PACRG: variants seen among roughly 807,000 people sequenced by gnomAD.
PACRG encodes the protein parkin coregulated.
A neutral mutation model predicts 29.7 loss-of-function variants in PACRG; 29 were observed. The ratio of observed to expected loss-of-function variants is 0.98; its 90% CI spans 0.73 to 1.33. The LOEUF (loss-of-function observed/expected upper bound fraction) is 1.33. PACRG is among the 40% of genes most tolerant of loss of function. PACRG has a pLI of 0.00. For synonymous variants in PACRG, 116 were observed against 118.7 expected (o/e 0.98, Z 0.15); for missense variants, 279 against 316.2 (o/e 0.88, Z 0.89).
At chr6:163,273,967 T>G (rs1783936149) in intron 4 of PACRG, among the ~76,000 whole-genome samples, 1 of 152,222 alleles carries the variant, frequency 6.6e-6, no homozygotes, top group South Asian at 2.1e-4. Context: ...TCTGAGCATT[T>G]TAGTGGCATA....
intron 1 of PACRG, among the ~76,000 whole-genome samples, chr6:162,747,697 C>T (rs1386518371): frequency 6.6e-6 from 1 of 151,350 alleles, no homozygotes; most frequent in African/African-American, 2.4e-5. Context: ...CAGGATAGGA[C>T]TTAAGCTGAC....
chr6:162,865,317 T>G (rs1792204980), intron 2 of PACRG, among the ~76,000 whole-genome samples: 1 of 152,152 alleles, frequency 6.6e-6, no homozygotes, highest in Non-Finnish European at 1.5e-5. Context: ...ATGAGTATGT[T>G]GAGAAAATGA....
chr6:162,760,765 G>A (rs12528213), intron 1 of PACRG, among the ~76,000 whole-genome samples: 3,758 of 152,212 alleles, frequency 0.025, 72 homozygotes, highest in Middle Eastern at 0.058. Context: ...GGGACGGGCC[G>A]TTGAAGGATT....
At chr6:163,274,004 T>G (rs1783937986) in intron 4 of PACRG, among the ~76,000 whole-genome samples, 2 of 152,196 alleles carry the variant, frequency 1.3e-5, no homozygotes, top group Non-Finnish European at 2.9e-5. Flanking sequence ...GCAGTATCTT[T>G]ATTATGTTGT....
intron 4 of PACRG, among the ~76,000 whole-genome samples, chr6:163,198,970 A>T (rs1250394065): frequency 1.3e-5 from 2 of 152,152 alleles, no homozygotes; most frequent in Non-Finnish European, 2.9e-5. Flanking sequence ...GCCACAGGAG[A>T]TGAAATGAAA....
chr6:163,168,698 A>G (rs926658939), intron 4 of PACRG, among the ~76,000 whole-genome samples: 5 of 152,216 alleles, frequency 3.3e-5, no homozygotes, highest in African/African-American at 1.2e-4. Flanking sequence ...CAAACGAAAG[A>G]CCACCTTTAC....
chr6:162,939,676 CGTGTGTGTGTGTGTGTGT>C, intron 2 of PACRG, among the ~76,000 whole-genome samples: 1 of 149,438 alleles, frequency 6.7e-6, no homozygotes, highest in Non-Finnish European at 1.5e-5. Flanking sequence ...CTGTATTTGA[CGTGTGTGTGTGTGTGTGT>C]GTGTGTGTCA....
intron 2 of PACRG, among the ~76,000 whole-genome samples, chr6:162,924,306 C>A (rs535648508): frequency 6.6e-6 from 1 of 151,974 alleles, no homozygotes; most frequent in East Asian, 1.9e-4. Flanking sequence ...TAATGTTTTT[C>A]TATATATAAG....
chr6:162,941,451 G>T (rs558953120), intron 2 of PACRG, among the ~76,000 whole-genome samples: 46 of 152,258 alleles, frequency 3.0e-4, no homozygotes, highest in Middle Eastern at 3.4e-3. Flanking sequence ...GAGGTTTGGG[G>T]ACAGGCCTGG....
At chr6:162,881,006 C>T (rs916094563) in intron 2 of PACRG, among the ~76,000 whole-genome samples, 30 of 152,178 alleles carry the variant, frequency 2.0e-4, no homozygotes, top group African/African-American at 6.5e-4. Flanking sequence ...CAGATCGTCA[C>T]GATCTTCTGT....
chr6:163,188,015 A>G (rs1399081817), intron 4 of PACRG, among the ~76,000 whole-genome samples: 1 of 152,208 alleles, frequency 6.6e-6, no homozygotes, highest in Non-Finnish European at 1.5e-5. Flanking sequence ...CAAAATGAGC[A>G]TATCTCTTTG....
chr6:163,172,809 A>G (rs912451379), intron 4 of PACRG, among the ~76,000 whole-genome samples: 4 of 152,226 alleles, frequency 2.6e-5, no homozygotes, highest in African/African-American at 9.7e-5. Flanking sequence ...TGACCTAATC[A>G]TTTGAATTCT....
intron 4 of PACRG, among the ~76,000 whole-genome samples, chr6:163,105,213 C>G (rs1042076784): frequency 3.3e-5 from 5 of 152,046 alleles, no homozygotes; most frequent in Non-Finnish European, 7.4e-5. Flanking sequence ...ATATAATTCT[C>G]TCTAAATAAA....
rs1008611409 is a variant in PACRG at position 162,777,485 on chromosome 6, C to T, written c.157-36662C>T. On this transcript the variant is annotated intron_variant, in intron 1 of 4. Coordinates refer to ENST00000366888, the MANE Select transcript of PACRG (RefSeq NM_001080379.2). This position sits in a 1 kb window ranked among gnomAD's most constrained non-coding sequence, Gnocchi z 4.0. Reference sequence around the variant, plus strand: ...AAGTGTCAGACCAGGCCATGCTACCCTGTCCTTTCAGGGCTTACAGAGACT... The same window carrying T: ...AAGTGTCAGACCAGGCCATGCTACCTTGTCCTTTCAGGGCTTACAGAGACT... Among the ~76,000 whole-genome samples, 7 of 152,224 alleles carry T rather than the reference C, an allele frequency of 4.6e-5. No individual in the cohort carries two copies. The highest frequency in any genetic ancestry group is 1.7e-4 in the African/African-American group (7 of 41,452).
At chr6:163,087,422 A>G (rs917016563) in intron 3 of PACRG, among the ~76,000 whole-genome samples, 1 of 151,014 alleles carries the variant, frequency 6.6e-6, no homozygotes, top group Non-Finnish European at 1.5e-5. Context: ...GACCAGGATG[A>G]AAAGAGAGAA....
intron 4 of PACRG, among the ~76,000 whole-genome samples, chr6:163,277,625 AT>A (rs1784089200): frequency 6.8e-6 from 1 of 146,928 alleles, no homozygotes; most frequent in South Asian, 2.1e-4. Context: ...ATGTATACAT[AT>A]ATACATACGT....
intron 2 of PACRG, among the ~76,000 whole-genome samples, chr6:162,890,201 T>C (rs1562703468): frequency 6.6e-6 from 1 of 152,228 alleles, no homozygotes; most frequent in Non-Finnish European, 1.5e-5. Context: ...ATGGGTTCTT[T>C]CTACCTTTCT....
intron 2 of PACRG, among the ~76,000 whole-genome samples, chr6:162,838,195 A>T (rs1789409921): frequency 6.6e-6 from 1 of 152,150 alleles, no homozygotes; most frequent in African/African-American, 2.4e-5. Context: ...GTAGAAAATA[A>T]TCCTCTGAAT....
chr6:163,143,500 G>A (rs1326163161), intron 4 of PACRG, among the ~76,000 whole-genome samples: 2 of 152,166 alleles, frequency 1.3e-5, no homozygotes, highest in Non-Finnish European at 2.9e-5. Context: ...TTGCTTTAGC[G>A]CAGAGTTCTT....
Sources: gnomAD v4.1 joint callset for allele counts (sites outside exome capture counted in the v4.1 genomes callset) on GRCh38, gnomAD v4.1.1 for gene constraint, Gnocchi (gnomAD v3.1) non-coding constraint, MANE v1.5 for transcripts, NCBI Gene and HGNC (gene_info 2026-07-23, HGNC 2026-07-21) for gene names.